Variants in NPC2 observed in about 807,000 individuals in gnomAD.
NPC2 encodes Niemann-Pick disease type C2 protein.
In NPC2, 14 loss-of-function variants were observed where a neutral mutation model predicts 17.0. The observed-to-expected ratio is 0.82, with a 90% CI of 0.54 to 1.29. The LOEUF is 1.29. NPC2 is among the 50% of genes most tolerant of loss of function. The pLI is 0.00. For missense variants in NPC2, 167 were observed against 183.4 expected (o/e 0.91, Z 0.52); for synonymous variants, 75 against 69.3 (o/e 1.08, Z -0.41).
Position 74,480,141 on chromosome 14 carries a change from G to C in NPC2, c.*133C>G. On this transcript the variant is annotated 3_prime_UTR_variant, in exon 5 of 5. Transcript: ENST00000555619. ...CACCCGGAGCTCAGTTTCTGCTACAGAGCACCTCCTCTTCAACGAATCACT... is the reference window on the plus strand; with the variant it reads ...CACCCGGAGCTCAGTTTCTGCTACACAGCACCTCCTCTTCAACGAATCACT... 6.3e-7 allele frequency: 1 copy of C among 1,590,870 alleles called. No homozygotes were observed. The highest frequency in any genetic ancestry group is 8.5e-7 in the Non-Finnish European group (1 of 1,170,384).
chr14:74,489,067 A>G (rs767916384), intron 1 of NPC2, among the ~76,000 whole-genome samples: 7 of 152,242 alleles, frequency 4.6e-5, no homozygotes, highest in Non-Finnish European at 1.0e-4. Context: ...CCAAGAATCA[A>G]GGGGATGAAG....
chr14:74,480,556 G>A (rs1185860122), intron 4 of NPC2, 146 bp downstream of exon 4: 2 of 815,236 alleles, frequency 2.5e-6, no homozygotes, highest in East Asian at 4.8e-5. Context: ...TCAGGAAATA[G>A]GGTCTCAGAT....
chr14:74,480,603 G>T, intron 4 of NPC2, 99 bp downstream of exon 4: 1 of 1,044,172 alleles, frequency 9.6e-7, no homozygotes, highest in Non-Finnish European at 1.5e-6. Context: ...CAGCAGTCTT[G>T]AAATTCCTTT....
intron 1 of NPC2, among the ~76,000 whole-genome samples, chr14:74,489,537 A>AGT (rs5809668): frequency 2.6e-5 from 4 of 152,016 alleles, no homozygotes; most frequent in Non-Finnish European, 5.9e-5. Flanking sequence ...TCTTAAAATA[A>AGT]GTGTGTGTGT....
Position 74,480,180 on chromosome 14 carries a change from G to A in NPC2, c.*94C>T, listed in dbSNP as rs2086640469. ...CAACGAATCACTGGATACCATTGGAGAGCAAGTCACTGTTGTTGAAGCAGC... is the reference window on the plus strand; with the variant it reads ...CAACGAATCACTGGATACCATTGGAAAGCAAGTCACTGTTGTTGAAGCAGC... On this transcript the variant is annotated 3_prime_UTR_variant, in exon 5 of 5. Coordinates refer to ENST00000555619, the MANE Select transcript of NPC2 (RefSeq NM_006432.5). 7.4e-6 allele frequency: 12 copies of A among 1,613,006 alleles called. No individual in the cohort carries two copies. The highest frequency in any genetic ancestry group is 3.3e-4 in the Middle Eastern group (2 of 6,058).
chr14:74,482,907 A>G, intron 3 of NPC2: 1 of 456,250 alleles, frequency 2.2e-6, no homozygotes, highest in South Asian at 2.1e-5. Context: ...GGGAGGAGGG[A>G]GGAGGGAGGA....
upstream of NPC2, chr14:74,493,450 C>G (rs905382198): frequency 4.8e-6 from 7 of 1,453,380 alleles, no homozygotes; most frequent in Non-Finnish European, 6.5e-6. The surrounding 1 kb of genome is among the most constrained non-coding windows in gnomAD (Gnocchi z 4.1). Flanking sequence ...CCAGCCCTCT[C>G]AGGCCCAGAA....
intron 1 of NPC2, among the ~76,000 whole-genome samples, chr14:74,492,724 G>A (rs1214008228): frequency 6.6e-6 from 1 of 152,224 alleles, no homozygotes; most frequent in African/African-American, 2.4e-5. Context: ...CCCAAAGGAA[G>A]TCCTATTTGT....
Position 74,480,565 on chromosome 14 carries a change from A to G in NPC2, c.441+137T>C, listed in dbSNP as rs1193886906. On this transcript the variant is annotated intron_variant, in intron 4 of 4. Transcript: ENST00000555619. ...GAGCTCTCAGGAAATAGGGTCTCAG[A>G]TGCTTTTAGAGGTTGAGAGGCATAA... is the stretch of plus-strand genomic sequence containing the variant. The G allele has an allele frequency of 1.1e-5, 9 of 829,282 alleles. No homozygotes were observed. The East Asian group carries it at 1.9e-4, about 18-fold the overall frequency. 51.4% of individuals were successfully genotyped at this position (829,282 alleles called of 1,614,324 possible). A position where few individuals can be genotyped will look rare whatever the true frequency, so the allele number is the denominator to read the frequency against.
chr14:74,487,264 G>GTTTT (rs1491518755), intron 1 of NPC2, among the ~76,000 whole-genome samples: 3 of 142,914 alleles, frequency 2.1e-5, no homozygotes, highest in Non-Finnish European at 3.0e-5. Flanking sequence ...TGTTTTTGTG[G>GTTTT]TTTTTTTTTG....
At chr14:74,480,475 ACT>A in intron 4 of NPC2, 187 bp from the exon 5 acceptor site, 1 of 761,222 alleles carries the variant, frequency 1.3e-6, no homozygotes, top group Non-Finnish European at 2.4e-6. Flanking sequence ...CTACAGTCTC[ACT>A]CTCTCTTCTT....
chr14:74,493,313 G>C, upstream of NPC2: 1 of 1,597,500 alleles, frequency 6.3e-7, no homozygotes, highest in Non-Finnish European at 8.5e-7. This position sits in a 1 kb window ranked among gnomAD's most constrained non-coding sequence, Gnocchi z 4.1. Context: ...AAGAAGCAGC[G>C]GCCGCCCGCG....
chr14:74,480,156 A>G lies in NPC2; in HGVS notation c.*118T>C, dbSNP rs531138136. On this transcript the variant is annotated 3_prime_UTR_variant, in exon 5 of 5. Transcript: ENST00000555619. The stretch of plus-strand genomic sequence containing the variant: ...TTCTGCTACAGAGCACCTCCTCTTC[A>G]ACGAATCACTGGATACCATTGGAGA... The G allele has an allele frequency of 6.2e-7, 1 of 1,605,994 alleles. No individual in the cohort carries two copies. Among genetic ancestry groups the G allele is most frequent in the East Asian group, 2.2e-5 (1 of 44,582 alleles).
At chr14:74,486,292 G>T (rs2139670009) in intron 2 of NPC2, 37 bp downstream of exon 2, 1 of 1,484,128 alleles carries the variant, frequency 6.7e-7, no homozygotes, top group East Asian at 2.4e-5. Flanking sequence ...AGGTTATGCT[G>T]TAACATGAAT....
chr14:74,483,761 C>G (rs1054841585), intron 3 of NPC2, among the ~76,000 whole-genome samples: 3 of 152,120 alleles, frequency 2.0e-5, no homozygotes, highest in African/African-American at 7.2e-5. Context: ...TATGATTATA[C>G]AAAAGAGCAT....
intron 1 of NPC2, among the ~76,000 whole-genome samples, chr14:74,490,195 A>G (rs552259819): frequency 1.3e-5 from 2 of 152,378 alleles, no homozygotes; most frequent in South Asian, 2.1e-4. Context: ...AGATTAGCTC[A>G]GTACTATAAA....
At position 74,490,891 on chromosome 14, in the gene NPC2, C is replaced by T. The variant is rs556975552; in HGVS notation, c.82+2302G>A. Among the ~76,000 whole-genome samples the T allele has an allele frequency of 5.9e-4, 90 of 152,262 alleles. 2 individuals are homozygous for T. The South Asian group carries it at 0.018, about 31-fold the overall frequency. ...GCTTCTTCCCATAGGTGTACTCCTG[C>T]TTTTTCAAATAAGTAGAATAATTTC... On this transcript the variant is annotated intron_variant, in intron 1 of 4. Transcript: ENST00000555619.
At chr14:74,483,304 A>G in intron 3 of NPC2, 1 of 1,243,104 alleles carries the variant, frequency 8.0e-7, no homozygotes, top group Non-Finnish European at 1.2e-6. Flanking sequence ...TTGGCAATAA[A>G]TGTGACCTGG....
chr14:74,480,017 T>C lies in NPC2; in HGVS notation c.*257A>G, dbSNP rs145191699. ...TGTAGAAAGAGGCCACAAGTTAATG[T>C]TGTTAAAAAAAAAATTAAACATCTG... On this transcript the variant is annotated 3_prime_UTR_variant, in exon 5 of 5. Coordinates refer to ENST00000555619, the MANE Select transcript of NPC2 (RefSeq NM_006432.5). 7.1e-5 allele frequency: 103 copies of C among 1,457,844 alleles called. No individual in the cohort carries two copies. In the Admixed American group the frequency reaches 2.3e-3, roughly 33 times the overall value. The allele number at this position is 1,457,844 out of a possible 1,614,324, so 90.3% of individuals were successfully genotyped here.
Sources: allele counts gnomAD v4.1 joint callset (sites outside exome capture counted in the v4.1 genomes callset), GRCh38; gene constraint gnomAD v4.1.1; non-coding constraint Gnocchi (gnomAD v3.1); transcripts MANE v1.5; gene names NCBI Gene and HGNC (gene_info 2026-07-23, HGNC 2026-07-21).